Variants in PTPRD observed in about 807,000 individuals in gnomAD.
PTPRD encodes protein tyrosine phosphatase receptor type D.
Under a neutral mutation model 214.5 loss-of-function variants are expected in PTPRD, and 34 were observed. The observed-to-expected ratio is 0.16, with a 90% CI of 0.12 to 0.21. The LOEUF is 0.21. Ranked by LOEUF, PTPRD falls within the 10% of genes least tolerant of loss-of-function variation. PTPRD has a pLI of 1.00. For synonymous variants in PTPRD, 1,128 were observed against 845.7 expected (o/e 1.33, Z -5.79); for missense variants, 2,545 against 2,398.7 (o/e 1.06, Z -1.27).
At chr9:10,152,543 A>C (rs560534373) in intron 3 of PTPRD, among the ~76,000 whole-genome samples, 77 of 152,280 alleles carry the variant, frequency 5.1e-4, no homozygotes, top group African/African-American at 1.7e-3. Context: ...GAAGGAAATC[A>C]GGCCAGGTGT....
At chr9:10,185,331 G>T (rs1220339709) in intron 3 of PTPRD, among the ~76,000 whole-genome samples, 2 of 152,168 alleles carry the variant, frequency 1.3e-5, no homozygotes, top group Admixed American at 1.3e-4. Context: ...TAATTTCGAT[G>T]ATACTTTCCA....
intron 9 of PTPRD, among the ~76,000 whole-genome samples, chr9:9,185,414 G>A (rs1440227215): frequency 6.6e-6 from 1 of 151,930 alleles, no homozygotes; most frequent in Admixed American, 6.6e-5. Context: ...CCTGTTTGGG[G>A]CCACTTCCTA....
At chr9:10,052,493 CA>C (rs1439146598) in intron 3 of PTPRD, among the ~76,000 whole-genome samples, 3 of 151,864 alleles carry the variant, frequency 2.0e-5, no homozygotes, top group Non-Finnish European at 2.9e-5. Context: ...CCAAGCTATG[CA>C]AAAAAGGAGA....
chr9:9,266,745 A>G (rs915569995), intron 9 of PTPRD, among the ~76,000 whole-genome samples: 3 of 151,336 alleles, frequency 2.0e-5, no homozygotes, highest in African/African-American at 7.3e-5. Flanking sequence ...AATTTAAAAA[A>G]TATTTTGAGA....
intron 2 of PTPRD, among the ~76,000 whole-genome samples, chr9:10,438,978 C>G (rs189466881): frequency 2.8e-4 from 42 of 151,754 alleles, no homozygotes; most frequent in African/African-American, 9.9e-4. Flanking sequence ...TTTTTGTTGT[C>G]CCCTGTTTGG....
At chr9:9,194,163 T>C (rs534250923) in intron 9 of PTPRD, among the ~76,000 whole-genome samples, 76 of 152,196 alleles carry the variant, frequency 5.0e-4, no homozygotes, top group Non-Finnish European at 9.3e-4. Flanking sequence ...CTCCACATCT[T>C]GTCCCCACTG....
chr9:8,339,090 A>G (rs1564075355), intron 42 of PTPRD, 43 bp from the exon 43 acceptor site: 1 of 1,575,046 alleles, frequency 6.3e-7, no homozygotes, highest in Non-Finnish European at 8.7e-7. Context: ...CAAAGTATAA[A>G]GAACATTCTG....
chr9:8,926,903 G>C (rs79683653), intron 11 of PTPRD, among the ~76,000 whole-genome samples: 1 of 152,244 alleles, frequency 6.6e-6, no homozygotes, highest in East Asian at 1.9e-4. Flanking sequence ...ATCTAAGGCA[G>C]AAAACATCAT....
At chr9:10,320,921 T>G (rs1041506896) in intron 3 of PTPRD, among the ~76,000 whole-genome samples, 4 of 151,572 alleles carry the variant, frequency 2.6e-5, no homozygotes, top group Non-Finnish European at 5.9e-5. Flanking sequence ...AGAAACAGGG[T>G]TTTTCCATGT....
chr9:9,142,122 A>C (rs1410235724), intron 10 of PTPRD, among the ~76,000 whole-genome samples: 1 of 152,240 alleles, frequency 6.6e-6, no homozygotes, highest in Non-Finnish European at 1.5e-5. Context: ...CAGTTCTGCA[A>C]AACAAGTGTG....
At chr9:9,196,741 A>G (rs1483130262) in intron 9 of PTPRD, among the ~76,000 whole-genome samples, 1 of 152,006 alleles carries the variant, frequency 6.6e-6, no homozygotes, top group Non-Finnish European at 1.5e-5. Context: ...AATATCCACA[A>G]TTTTTCTTTG....
chr9:9,473,366 G>C (rs2094772098), intron 8 of PTPRD, among the ~76,000 whole-genome samples: 1 of 152,022 alleles, frequency 6.6e-6, no homozygotes, highest in African/African-American at 2.4e-5. Context: ...ATACTTCTAG[G>C]CATCTGTTGA....
chr9:9,815,200 G>A lies in PTPRD; in HGVS notation c.-367-48349C>T, dbSNP rs370125248. Among the ~76,000 whole-genome samples the A allele has an allele frequency of 2.8e-4, 42 of 152,186 alleles. 1 individual carries two copies. The South Asian group carries it at 3.3e-3, about 12-fold the overall frequency. On this transcript the variant is annotated intron_variant, in intron 5 of 45. Transcript: ENST00000381196. ...CAGAATAGAGAGCCCATACTCATGC[G>A]TACATACATTGTCCACATATAAGGT...
chr9:8,705,525 A>G (rs1193478272), intron 12 of PTPRD, among the ~76,000 whole-genome samples: 1 of 152,216 alleles, frequency 6.6e-6, no homozygotes, highest in African/African-American at 2.4e-5. Context: ...TTTCCTGATT[A>G]CTTGGGAACA....
chr9:9,680,610 A>G (rs1009395098), intron 7 of PTPRD, among the ~76,000 whole-genome samples: 1 of 151,782 alleles, frequency 6.6e-6, no homozygotes, highest in African/African-American at 2.4e-5. Flanking sequence ...GGAAAGAACT[A>G]TTGAGAATAG....
intron 2 of PTPRD, among the ~76,000 whole-genome samples, chr9:10,603,105 G>C (rs1400552424): frequency 6.6e-6 from 1 of 151,828 alleles, no homozygotes; most frequent in Non-Finnish European, 1.5e-5. Context: ...AGAGGTTAGA[G>C]TGGTAGGAAC....
intron 10 of PTPRD, among the ~76,000 whole-genome samples, chr9:9,123,989 G>C (rs2099820081): frequency 6.6e-6 from 1 of 151,298 alleles, no homozygotes; most frequent in Non-Finnish European, 1.5e-5. Flanking sequence ...GTTTATGTAG[G>C]CATATTGTCT....
rs190576011 is a variant in PTPRD, at chr9:8,994,827, T to C, written c.-104+23870A>G. On this transcript the variant is annotated intron_variant, in intron 11 of 45. Transcript: ENST00000381196. ...CTGTGGAGGATCATGCTAAAGAATT[T>C]GGATTTCATCTTATATGCAACTAAA... is the stretch of plus-strand genomic sequence containing the variant. Among the ~76,000 whole-genome samples, 391 of 152,206 alleles carry C rather than the reference T, an allele frequency of 2.6e-3. 7 individuals are homozygous for C. The highest frequency in any genetic ancestry group is 2.2e-3 in the Non-Finnish European group (149 of 67,984).
intron 11 of PTPRD, among the ~76,000 whole-genome samples, chr9:8,984,744 C>G (rs912839186): frequency 6.6e-6 from 1 of 151,924 alleles, no homozygotes; most frequent in Non-Finnish European, 1.5e-5. Context: ...ATGTAGTAGC[C>G]CAGTATTTAT....
Sources: allele counts gnomAD v4.1 joint callset (sites outside exome capture counted in the v4.1 genomes callset), GRCh38; gene constraint gnomAD v4.1.1; transcripts MANE v1.5; gene names NCBI Gene and HGNC (gene_info 2026-07-23, HGNC 2026-07-21).